Variants in CRPPA observed in about 807,000 individuals in gnomAD.
The protein encoded by CRPPA is CDP-L-ribitol pyrophosphorylase A, also known as D-ribitol-5-phosphate cytidylyltransferase.
CRPPA carries 43 observed loss-of-function variants against 52.0 expected under a neutral mutation model. The ratio of observed to expected loss-of-function variants is 0.83; its 90% confidence interval spans 0.65 to 1.07. CRPPA has a LOEUF of 1.07. Among genes scored for constraint, CRPPA ranks in the 50% least tolerant of loss-of-function variants. CRPPA has a pLI of 0.00. For missense variants in CRPPA, 629 were observed against 551.7 expected (o/e 1.14, Z -1.40); for synonymous variants, 250 against 203.5 (o/e 1.23, Z -1.94).
At position 16,316,098 on chromosome 7, in the gene CRPPA, G is replaced by T. The variant is rs996625988; in HGVS notation, c.685-7471C>A. ...GACATGGTAATCTATAAAATTGAGA[G>T]AGATAAAATGAGAAAATGACACAGG... On this transcript the variant is annotated intron_variant, in intron 3 of 9. Transcript: ENST00000407010. 4.4e-4 allele frequency among the ~76,000 whole-genome samples: 67 copies of T among 152,194 alleles called. 1 individual carries two copies. Among genetic ancestry groups the T allele is most frequent in the African/African-American group, 1.6e-3 (65 of 41,540 alleles).
chr7:16,257,404 A>G (rs553953076), intron 8 of CRPPA, among the ~76,000 whole-genome samples: 1 of 152,088 alleles, frequency 6.6e-6, no homozygotes, highest in Non-Finnish European at 1.5e-5. Context: ...AAAAATCTCA[A>G]TGAAAGCTTG....
chr7:16,273,977 C>T (rs543420189), intron 6 of CRPPA, among the ~76,000 whole-genome samples: 46 of 152,296 alleles, frequency 3.0e-4, no homozygotes, highest in African/African-American at 1.1e-3. Flanking sequence ...GCGAAGGGGC[C>T]AGGGGAACTG....
At chr7:16,233,443 G>C (rs1453776351) in intron 8 of CRPPA, among the ~76,000 whole-genome samples, 1 of 152,028 alleles carries the variant, frequency 6.6e-6, no homozygotes, top group African/African-American at 2.4e-5. Context: ...AGAACTGATA[G>C]GCATCAGAAT....
At chr7:16,128,086 G>T (rs778876619) in intron 9 of CRPPA, among the ~76,000 whole-genome samples, 1 of 152,004 alleles carries the variant, frequency 6.6e-6, no homozygotes, top group African/African-American at 2.4e-5. Context: ...TTTTACTCCC[G>T]CCAACAGTGT....
At chr7:16,263,761 A>T (rs1023752859) in intron 6 of CRPPA, among the ~76,000 whole-genome samples, 5 of 152,114 alleles carry the variant, frequency 3.3e-5, no homozygotes, top group African/African-American at 1.2e-4. Context: ...CAAAATAAAA[A>T]AAAAAAAGAA....
At chr7:16,286,608 C>T (rs753223374) in intron 5 of CRPPA, among the ~76,000 whole-genome samples, 10 of 152,060 alleles carry the variant, frequency 6.6e-5, no homozygotes, top group Non-Finnish European at 1.3e-4. Context: ...CCAATAAGGT[C>T]CACCTCAAGT....
chr7:16,162,101 G>T (rs927016797), intron 9 of CRPPA, among the ~76,000 whole-genome samples: 4 of 151,652 alleles, frequency 2.6e-5, no homozygotes, highest in African/African-American at 9.7e-5. Context: ...ATGGCTACTG[G>T]TCTATTTTCT....
chr7:16,191,644 C>T (rs1374656055), intron 9 of CRPPA, among the ~76,000 whole-genome samples: 1 of 152,088 alleles, frequency 6.6e-6, no homozygotes, highest in East Asian at 1.9e-4. Context: ...CTAGTCTTAG[C>T]TATATTGGAC....
chr7:16,129,571 C>T (rs1287922107), intron 9 of CRPPA, among the ~76,000 whole-genome samples: 2 of 152,096 alleles, frequency 1.3e-5, no homozygotes, highest in Admixed American at 1.3e-4. Flanking sequence ...TACCAGATAT[C>T]ATGTTACATC....
chr7:16,311,012 T>C lies in CRPPA; in HGVS notation c.685-2385A>G, dbSNP rs1003850333. Among the ~76,000 whole-genome samples, 3 of 152,292 alleles carry C rather than the reference T, an allele frequency of 2.0e-5. No homozygotes were observed. In the South Asian group the frequency reaches 6.2e-4, roughly 32 times the overall value. On this transcript the variant is annotated intron_variant, in intron 3 of 9. Transcript: ENST00000407010. ...ATTTTATTATCCATGCATTGTTTTC[T>C]TTCCTACACTTTTTAAGACTTTAAA...
intron 6 of CRPPA, among the ~76,000 whole-genome samples, chr7:16,267,243 G>C (rs1783979658): frequency 1.3e-5 from 2 of 152,160 alleles, no homozygotes; most frequent in Admixed American, 1.3e-4. Context: ...TGACTAGACA[G>C]GTTTCTGCCC....
At chr7:16,159,016 A>G (rs1214435100) in intron 9 of CRPPA, among the ~76,000 whole-genome samples, 1 of 152,210 alleles carries the variant, frequency 6.6e-6, no homozygotes, top group Non-Finnish European at 1.5e-5. Context: ...AATACGTGAC[A>G]ATTTCCATTT....
chr7:16,266,507 C>G (rs1453007269), intron 6 of CRPPA, among the ~76,000 whole-genome samples: 17 of 148,296 alleles, frequency 1.1e-4, no homozygotes, highest in Non-Finnish European at 1.8e-4. Flanking sequence ...AAGACAGAGT[C>G]TTGCTCTGTC....
In CRPPA at chr7:16,211,175, T is replaced by G. The variant is rs187729605; in HGVS notation, c.1251+4891A>C. 1.7e-3 allele frequency among the ~76,000 whole-genome samples: 252 copies of G among 152,306 alleles called. 1 individual carries two copies. Among genetic ancestry groups the G allele is most frequent in the Non-Finnish European group, 2.5e-3 (171 of 68,014 alleles). On this transcript the variant is annotated intron_variant, in intron 9 of 9. Coordinates refer to ENST00000407010, the MANE Select transcript of CRPPA (RefSeq NM_001101426.4). ...TGCATTTCATTTACATATATCTAAG[T>G]AAAACAAGCTTACCGCCATTCTCTA...
intron 9 of CRPPA, among the ~76,000 whole-genome samples, chr7:16,139,447 T>A (rs1782824575): frequency 6.6e-6 from 1 of 152,178 alleles, no homozygotes; most frequent in Non-Finnish European, 1.5e-5. Context: ...CTGATTCATT[T>A]GATATTACGG....
At chr7:16,346,521 G>GAA (rs5882568) in intron 3 of CRPPA, among the ~76,000 whole-genome samples, 3 of 150,568 alleles carry the variant, frequency 2.0e-5, no homozygotes, top group East Asian at 2.0e-4. Context: ...CATAGCAAGA[G>GAA]AAAAAAAAAT....
chr7:16,118,237 G>A (rs1464679172), intron 9 of CRPPA, among the ~76,000 whole-genome samples: 1 of 152,150 alleles, frequency 6.6e-6, no homozygotes, highest in Non-Finnish European at 1.5e-5. Flanking sequence ...CTGTCTCTCT[G>A]AGGTACAGAC....
chr7:16,205,699 C>T (rs1212234843), intron 9 of CRPPA, among the ~76,000 whole-genome samples: 1 of 151,918 alleles, frequency 6.6e-6, no homozygotes, highest in Non-Finnish European at 1.5e-5. Context: ...ATTTGAGCAA[C>T]TTCTTATCTA....
rs754775519 is a variant in CRPPA, at chr7:16,308,589, C to T, written c.723G>A (p.Leu241=). Residue 241 remains leucine, a synonymous_variant, in exon 4 of 10, where the codon TTG becomes TTA. Coordinates refer to ENST00000407010, the MANE Select transcript of CRPPA (RefSeq NM_001101426.4). The part of the protein sequence containing the change: ...DYDLEFGTEC[L]QLALKYCCTK... ...TGCAACAGTATTTTAGGGCCAATTG[C>T]AAACACTCAGTTCCAAATTCCAAGT... 1.2e-6 allele frequency: 2 copies of T among 1,610,874 alleles called. No individual in the cohort carries two copies. The highest frequency in any genetic ancestry group is 1.3e-5 in the African/African-American group (1 of 75,002).
Sources: gnomAD v4.1 joint callset for allele counts (sites outside exome capture counted in the v4.1 genomes callset) on GRCh38, gnomAD v4.1.1 for gene constraint, MANE v1.5 for transcripts, NCBI Gene and HGNC (gene_info 2026-07-23, HGNC 2026-07-21) for gene names.